CNIH3: variants seen among roughly 807,000 people sequenced by gnomAD.
The protein encoded by CNIH3 is protein cornichon homolog 3.
In CNIH3, 14 loss-of-function variants were observed where a neutral mutation model predicts 24.1. The observed-to-expected ratio is 0.58, with a 90% CI of 0.38 to 0.91. The LOEUF (loss-of-function observed/expected upper bound fraction) is 0.91. Among genes scored for constraint, CNIH3 ranks in the 40% least tolerant of loss-of-function variants. The pLI is 0.00. For missense variants in CNIH3, 178 were observed against 196.8 expected, an observed-to-expected ratio of 0.90 and a Z score of 0.57; for synonymous variants, 68 against 73.8, an observed-to-expected ratio of 0.92 and a Z score of 0.40.
chr1:224,706,496 AC>A (rs1458280464), intron 3 of CNIH3, among the ~76,000 whole-genome samples: 1 of 152,084 alleles, frequency 6.6e-6, no homozygotes, highest in African/African-American at 2.4e-5. Context: ...GCGGAGATCT[AC>A]CTGTCTTGTG....
intron 3 of CNIH3, among the ~76,000 whole-genome samples, chr1:224,722,809 A>C (rs550844802): frequency 6.6e-6 from 1 of 152,350 alleles, no homozygotes; most frequent in Admixed American, 6.5e-5. Context: ...CAGGCTGTAG[A>C]GCAGGGCACT....
At chr1:224,629,927 T>C (rs927751133) in intron 1 of CNIH3, among the ~76,000 whole-genome samples, 1 of 152,192 alleles carries the variant, frequency 6.6e-6, no homozygotes, top group East Asian at 1.9e-4. Context: ...AAAATAGTTA[T>C]AAAATCTTTA....
chr1:224,540,018 A>G (rs200677382), downstream of CNIH3, among the ~76,000 whole-genome samples: 5 of 152,200 alleles, frequency 3.3e-5, no homozygotes, highest in South Asian at 2.1e-4. Context: ...ATAAATATCA[A>G]TGAATGAATG....
intron 4 of CNIH3, 64 bp from the exon 5 acceptor site, chr1:224,734,499 G>C: frequency 6.4e-7 from 1 of 1,564,282 alleles, no homozygotes; most frequent in Non-Finnish European, 8.8e-7. Context: ...CATCGGAAGG[G>C]TTTGCCCAGG....
intron 3 of CNIH3, among the ~76,000 whole-genome samples, chr1:224,550,806 A>T (rs1162474030): frequency 6.6e-6 from 1 of 151,052 alleles, no homozygotes; most frequent in Non-Finnish European, 1.5e-5. Context: ...GCACCCATTA[A>T]CTCGTCATTT....
At chr1:224,548,783 C>A (rs1239950298) in intron 3 of CNIH3, among the ~76,000 whole-genome samples, 7 of 150,338 alleles carry the variant, frequency 4.7e-5, no homozygotes, top group African/African-American at 1.7e-4. Context: ...GTGTGTACAC[C>A]CTGGCACATT....
chr1:224,580,598 G>A (rs1306557708), intron 4 of CNIH3, among the ~76,000 whole-genome samples: 1 of 152,056 alleles, frequency 6.6e-6, no homozygotes, highest in African/African-American at 2.4e-5. Context: ...GGAGCCCAAG[G>A]TGGGTGGATC....
At chr1:224,622,929 C>A (rs923710572) in intron 1 of CNIH3, among the ~76,000 whole-genome samples, 1 of 152,218 alleles carries the variant, frequency 6.6e-6, no homozygotes, top group Non-Finnish European at 1.5e-5. Context: ...GGGCCTTATT[C>A]TTCAGTAGCT....
chr1:224,466,350 A>G (rs552156082), intron 1 of CNIH3, among the ~76,000 whole-genome samples: 1 of 152,356 alleles, frequency 6.6e-6, no homozygotes, highest in South Asian at 2.1e-4. Context: ...TCACTTATGT[A>G]GTGTCATACA....
chr1:224,574,415 T>A (rs1360123313), intron 4 of CNIH3: 17 of 569,524 alleles, frequency 3.0e-5, no homozygotes, highest in Non-Finnish European at 2.8e-5. Flanking sequence ...TGGGTGGGGG[T>A]CTGGAGAGTG....
chr1:224,684,807 G>C lies in CNIH3; in HGVS notation c.162G>C (p.Leu54Phe), dbSNP rs1686573115. The C allele has an allele frequency of 1.2e-6, 2 of 1,614,026 alleles. No homozygotes were observed. Among genetic ancestry groups the C allele is most frequent in the Non-Finnish European group, 1.7e-6 (2 of 1,179,976 alleles). The change falls in exon 3 of 6, where the codon TTG (leucine) becomes TTC (phenylalanine). Residue 54 changes from leucine (L) to phenylalanine (F), a missense_variant. Transcript: ENST00000272133. This position sits in a 1 kb window ranked among gnomAD's most constrained non-coding sequence, Gnocchi z 4.2. ...QCNPVHARER[L>F]RNIERICFLL... ...GTGCATCCTGATAGAGGGAACGGTT[G>C]AGGAACATCGAGCGCATCTGCTTCC...
At chr1:224,592,543 G>A (rs954723113), downstream of CNIH3, among the ~76,000 whole-genome samples, 12 of 152,172 alleles carry the variant, frequency 7.9e-5, no homozygotes, top group Middle Eastern at 3.2e-3. Flanking sequence ...ACACCCGCTC[G>A]TGGCTGATGG....
At chr1:224,695,742 C>A (rs1229566974) in intron 3 of CNIH3, among the ~76,000 whole-genome samples, 1 of 152,216 alleles carries the variant, frequency 6.6e-6, no homozygotes, top group African/African-American at 2.4e-5. Flanking sequence ...GAATGATGAT[C>A]GCTCAGGCTC....
intron 5 of CNIH3, among the ~76,000 whole-genome samples, chr1:224,736,874 G>A (rs376756905): frequency 6.6e-6 from 1 of 152,204 alleles, no homozygotes. Context: ...CAAAGCCGCC[G>A]TGGGCTTAGG....
At chr1:224,572,347 C>T (rs1214132801) in intron 4 of CNIH3, among the ~76,000 whole-genome samples, 1 of 151,976 alleles carries the variant, frequency 6.6e-6, no homozygotes, top group African/African-American at 2.4e-5. Flanking sequence ...GAAACCCTGT[C>T]TCTACTAAAA....
chr1:224,695,070 C>T (rs890570329), intron 3 of CNIH3, among the ~76,000 whole-genome samples: 2 of 152,122 alleles, frequency 1.3e-5, no homozygotes, highest in African/African-American at 4.8e-5. Flanking sequence ...CCACCTGCTC[C>T]CCAAAAACTA....
At chr1:224,553,573 G>A (rs1395126335) in intron 3 of CNIH3, among the ~76,000 whole-genome samples, 1 of 152,052 alleles carries the variant, frequency 6.6e-6, no homozygotes, top group Non-Finnish European at 1.5e-5. Context: ...ATCCCTTCAG[G>A]CTGTTAGTGC....
At chr1:224,438,114 C>T (rs1674745756) in intron 1 of CNIH3, among the ~76,000 whole-genome samples, 1 of 151,998 alleles carries the variant, frequency 6.6e-6, no homozygotes. Flanking sequence ...TTAGTAGAGA[C>T]GGGGTTTCAC....
intron 1 of CNIH3, among the ~76,000 whole-genome samples, chr1:224,630,091 TGTTTC>T (rs1683744458): frequency 6.6e-6 from 1 of 152,140 alleles, no homozygotes; most frequent in Non-Finnish European, 1.5e-5. Context: ...AGAGTAGCGG[TGTTTC>T]CCATGATTTT....
Sources: allele counts gnomAD v4.1 joint callset (sites outside exome capture counted in the v4.1 genomes callset), GRCh38; gene constraint gnomAD v4.1.1; non-coding constraint Gnocchi (gnomAD v3.1); transcripts MANE v1.5; gene names NCBI Gene and HGNC (gene_info 2026-07-23, HGNC 2026-07-21).